EFCAB3: variants seen among roughly 807,000 people sequenced by gnomAD.
EFCAB3 encodes EF-hand calcium-binding domain-containing protein 3.
Under a neutral mutation model 42.2 loss-of-function variants are expected in EFCAB3, and 36 were observed. That is an observed-to-expected ratio of 0.85 (90% CI 0.65 to 1.13). The LOEUF (loss-of-function observed/expected upper bound fraction) is 1.13. EFCAB3 is among the 50% of genes most tolerant of loss of function. The probability of loss-of-function intolerance (pLI) is 0.00; values close to 1 mark genes in which losing one functional copy is unlikely to be tolerated. For synonymous variants in EFCAB3, 170 were observed against 172.8 expected, an observed-to-expected ratio of 0.98 and a Z score of 0.13; for missense variants, 418 against 505.1, an observed-to-expected ratio of 0.83 and a Z score of 1.65.
rs1371506054 is a variant in EFCAB3 at position 62,370,321 on chromosome 17, C to T, written c.33C>T (p.Asn11=). 9 of 1,551,440 alleles carry T rather than the reference C, an allele frequency of 5.8e-6. No individual in the cohort carries two copies. The Admixed American group carries it at 5.9e-5, about 10-fold the overall frequency. ...AGTTGATGCCTCATTTGACATTTAA[C>T]GGTGAGGTGTATGTTTTATAATTAT... The change falls in exon 1 of 12, where the codon AAC becomes AAT. Residue 11 remains asparagine, a splice_region_variant and synonymous_variant. Transcript: ENST00000450662.
intron 2 of EFCAB3, among the ~76,000 whole-genome samples, chr17:62,375,417 C>T (rs2070142582): frequency 1.3e-5 from 2 of 152,156 alleles, no homozygotes; most frequent in African/African-American, 4.8e-5. Flanking sequence ...AAACCATCTC[C>T]CATGGCCATG....
intron 3 of EFCAB3, among the ~76,000 whole-genome samples, chr17:62,387,981 G>A (rs1034042500): frequency 3.3e-5 from 5 of 152,130 alleles, no homozygotes; most frequent in Non-Finnish European, 7.4e-5. Context: ...GAGGCAGGCC[G>A]GGCCGATCAC....
intron 6 of EFCAB3, among the ~76,000 whole-genome samples, chr17:62,402,902 G>T (rs1171888112): frequency 6.6e-6 from 1 of 152,154 alleles, no homozygotes; most frequent in Non-Finnish European, 1.5e-5. Flanking sequence ...GAATTCGGCT[G>T]TGAATCCATC....
intron 1 of EFCAB3, chr17:62,381,966 A>T: frequency 3.4e-6 from 1 of 291,356 alleles, no homozygotes; most frequent in Non-Finnish European, 7.2e-6. Context: ...GAGGAGGAGG[A>T]GGTGTCCAAA....
Position 62,416,115 on chromosome 17 carries a change from A to G in EFCAB3, c.1103A>G (p.Asn368Ser). ...RGDLIGMDSR[N>S]ESFYDTFSTY... ...GATTTGATTGGGATGGACTCTAGAA[A>G]TGAGTCCTTTTATGACACCTTTTCT... The change falls in exon 10 of 10, where the codon AAT (asparagine) becomes AGT (serine). Residue 368 changes from asparagine (N) to serine (S), a missense_variant. By Grantham distance (46) the Asn-to-Ser change is conservative. Coordinates refer to ENST00000305286, the MANE Select transcript of EFCAB3 (RefSeq NM_173503.4). The G allele has an allele frequency of 6.2e-7, 1 of 1,613,954 alleles. No homozygotes were observed. The highest frequency in any genetic ancestry group is 2.2e-5 in the East Asian group (1 of 44,876).
intron 1 of EFCAB3, chr17:62,381,769 C>T (rs1254798047): frequency 7.4e-6 from 3 of 402,870 alleles, no homozygotes; most frequent in Admixed American, 2.6e-5. Context: ...GGCATCGAGG[C>T]GGACGACGAC....
At chr17:62,393,745 G>A (rs2070324830) in intron 5 of EFCAB3, 101 bp downstream of exon 5, 4 of 992,666 alleles carry the variant, frequency 4.0e-6, no homozygotes, top group East Asian at 2.4e-5. Context: ...GGTCAGGAAG[G>A]TGTAGTCTGG....
intron 2 of EFCAB3, chr17:62,383,302 C>T (rs962950860): frequency 5.7e-5 from 17 of 298,816 alleles, no homozygotes; most frequent in African/African-American, 2.6e-4. Context: ...GGTGAAACTC[C>T]GTCTCTACTA....
intron 1 of EFCAB3, 90 bp from the exon 2 acceptor site, chr17:62,382,873 A>C (rs967468548): frequency 1.4e-5 from 16 of 1,141,066 alleles, no homozygotes; most frequent in Non-Finnish European, 2.0e-5. Flanking sequence ...TAGACTTTTC[A>C]AACTCCAGGC....
In EFCAB3 at chr17:62,383,064, AATG is replaced by A; in HGVS notation, c.74+14_74+16del. ...CTCCCACAATAAAAGGTAGGTAATGAATGATTAAGGGTGATAAATGTATTATGA... is the reference window on the plus strand; with the variant it reads ...CTCCCACAATAAAAGGTAGGTAATGAATTAAGGGTGATAAATGTATTATGA... On this transcript the variant is annotated intron_variant, in intron 2 of 9. Transcript: ENST00000305286. 1 of 1,599,080 alleles carries A rather than the reference AATG, an allele frequency of 6.3e-7. No homozygotes were observed. The highest frequency in any genetic ancestry group is 8.6e-7 in the Non-Finnish European group (1 of 1,167,984).
chr17:62,370,340 T>A, intron 1 of EFCAB3: 1 of 1,551,442 alleles, frequency 6.4e-7, no homozygotes, highest in Non-Finnish European at 8.7e-7. Flanking sequence ...GTATGTTTTA[T>A]AATTATGTTA....
intron 7 of EFCAB3, 119 bp downstream of exon 7, chr17:62,406,792 C>T (rs1282741544): frequency 1.9e-6 from 2 of 1,077,896 alleles, no homozygotes; most frequent in African/African-American, 3.2e-5. Flanking sequence ...TTCTGAGTGA[C>T]CACTCTCTGT....
intron 1 of EFCAB3, among the ~76,000 whole-genome samples, chr17:62,381,503 C>T (rs1030552258): frequency 1.3e-5 from 2 of 152,166 alleles, no homozygotes; most frequent in East Asian, 1.9e-4. Flanking sequence ...AGTGGAAAGG[C>T]GACGGTAATT....
intron 6 of EFCAB3, among the ~76,000 whole-genome samples, chr17:62,398,686 AT>A (rs2070375017): frequency 6.7e-6 from 1 of 148,554 alleles, no homozygotes; most frequent in African/African-American, 2.5e-5. Flanking sequence ...GAAAGAAAAA[AT>A]AATAATTATA....
chr17:62,409,265 C>T (rs1181343714), intron 8 of EFCAB3, among the ~76,000 whole-genome samples: 1 of 152,200 alleles, frequency 6.6e-6, no homozygotes, highest in Non-Finnish European at 1.5e-5. Context: ...CCATGTTGGT[C>T]AGGCTGGTCT....
intron 3 of EFCAB3, among the ~76,000 whole-genome samples, chr17:62,390,386 G>A (rs150704790): frequency 2.0e-5 from 3 of 152,308 alleles, no homozygotes; most frequent in Non-Finnish European, 4.4e-5. Flanking sequence ...GATCATGCAG[G>A]TACAGGTGCT....
chr17:62,378,057 G>A, upstream of EFCAB3: 11 of 1,504,012 alleles, frequency 7.3e-6, no homozygotes, highest in Non-Finnish European at 9.9e-6. Flanking sequence ...TGTAAAGATG[G>A]GGCTTAATAC....
At chr17:62,391,759 C>T (rs1433025437) in intron 3 of EFCAB3, 63 bp from the exon 4 acceptor site, 77 of 1,551,458 alleles carry the variant, frequency 5.0e-5, no homozygotes, top group Non-Finnish European at 6.5e-5. Context: ...CTGTCCTAGT[C>T]CTATTAGTGT....
intron 2 of EFCAB3, 118 bp from the exon 3 acceptor site, chr17:62,387,222 T>C (rs2070259647): frequency 3.0e-6 from 2 of 660,422 alleles, no homozygotes; most frequent in Admixed American, 2.7e-5. Context: ...CTTAGGATAG[T>C]AGACTGGATA....
Sources: allele counts gnomAD v4.1 joint callset (sites outside exome capture counted in the v4.1 genomes callset), GRCh38; gene constraint gnomAD v4.1.1; transcripts MANE v1.5; gene names NCBI Gene and HGNC (gene_info 2026-07-23, HGNC 2026-07-21).